Variants in HSD17B11 observed in about 807,000 individuals in gnomAD.
HSD17B11 encodes hydroxysteroid 17-beta dehydrogenase 11, also known as estradiol 17-beta-dehydrogenase 11.
A neutral mutation model predicts 27.8 loss-of-function variants in HSD17B11; 22 were observed. That is an observed-to-expected ratio of 0.79 (90% CI 0.56 to 1.13). HSD17B11 has a LOEUF of 1.13. HSD17B11 is among the 50% of genes most tolerant of loss of function. The pLI is 0.00. For missense variants in HSD17B11, 314 were observed against 351.1 expected (o/e 0.89, Z 0.84); for synonymous variants, 117 against 132.8 (o/e 0.88, Z 0.82).
intron 4 of HSD17B11, among the ~76,000 whole-genome samples, chr4:87,370,755 ATTTTTT>A: frequency 1.7e-5 from 1 of 57,532 alleles, no homozygotes; most frequent in Non-Finnish European, 3.3e-5. Context: ...TATTATTATT[ATTTTTT>A]TTTTTTTTTG....
At chr4:87,383,036 G>A (rs1489382202) in intron 1 of HSD17B11, among the ~76,000 whole-genome samples, 2 of 152,128 alleles carry the variant, frequency 1.3e-5, no homozygotes, top group Non-Finnish European at 1.5e-5. Context: ...AGGGAGTTAC[G>A]GGAACACAGA....
intron 6 of HSD17B11, among the ~76,000 whole-genome samples, chr4:87,339,344 C>T (rs1222596365): frequency 1.3e-5 from 2 of 152,208 alleles, no homozygotes; most frequent in Non-Finnish European, 2.9e-5. Flanking sequence ...ATATGTCATG[C>T]TTTTCATTTC....
intron 1 of HSD17B11, among the ~76,000 whole-genome samples, chr4:87,387,941 T>C (rs921080388): frequency 1.3e-5 from 2 of 152,132 alleles, no homozygotes; most frequent in African/African-American, 4.8e-5. Context: ...TACTTGTTCC[T>C]TCCATCTTTT....
intron 4 of HSD17B11, among the ~76,000 whole-genome samples, chr4:87,364,270 GAAAAAAA>G (rs34342374): frequency 8.2e-6 from 1 of 121,422 alleles, no homozygotes; most frequent in East Asian, 2.7e-4. Flanking sequence ...CCAGTTTTGG[GAAAAAAA>G]AAAAAAAAAG....
At chr4:87,380,584 C>A (rs1560770523) in intron 2 of HSD17B11, among the ~76,000 whole-genome samples, 2 of 151,494 alleles carry the variant, frequency 1.3e-5, no homozygotes, top group Admixed American at 1.3e-4. Context: ...ATGGGCTAGG[C>A]GCGGTGGCTC....
In HSD17B11 at chr4:87,361,768, AAAAT is replaced by A. The variant is rs563088186; in HGVS notation, c.558-4356_558-4353del. Among the ~76,000 whole-genome samples, 501 of 152,294 alleles carry A rather than the reference AAAAT, an allele frequency of 3.3e-3. 2 individuals carry two copies. Among genetic ancestry groups the A allele is most frequent in the African/African-American group, 0.012 (482 of 41,552 alleles). On this transcript the variant is annotated intron_variant, in intron 4 of 6. Transcript: ENST00000358290. ...GGCAACAGAGCGAGACTCTGTCTCA[AAAAT>A]AAATAAACTTTCTTTCACTTTGCAC... is the stretch of plus-strand genomic sequence containing the variant.
chr4:87,368,566 A>C (rs563213272), intron 4 of HSD17B11, among the ~76,000 whole-genome samples: 3 of 152,304 alleles, frequency 2.0e-5, no homozygotes, highest in African/African-American at 7.2e-5. Flanking sequence ...GAAACAGAAC[A>C]ACTCCATCTT....
At chr4:87,378,918 A>AT (rs1720038873) in intron 2 of HSD17B11, among the ~76,000 whole-genome samples, 2 of 13,996 alleles carry the variant, frequency 1.4e-4, no homozygotes, top group African/African-American at 5.2e-4. Flanking sequence ...ATATATATAT[A>AT]AATATATATA....
rs568024864 is a variant in HSD17B11, at chr4:87,341,858, C to T, written c.696-1252G>A. On this transcript the variant is annotated intron_variant, in intron 5 of 6. Transcript: ENST00000358290. The stretch of plus-strand genomic sequence containing the variant: ...TCCAGCCTGGACAACAGAGCTAGAC[C>T]CTGTCTCTAAATAAATAAATAGATA... 7.1e-4 allele frequency among the ~76,000 whole-genome samples: 107 copies of T among 150,210 alleles called. 3 individuals carry two copies. The highest frequency in any genetic ancestry group is 2.5e-3 in the African/African-American group (102 of 41,054).
intron 2 of HSD17B11, among the ~76,000 whole-genome samples, chr4:87,378,666 C>G (rs1490665280): frequency 6.7e-6 from 1 of 149,140 alleles, no homozygotes; most frequent in Non-Finnish European, 1.5e-5. Context: ...TACTTCTTCC[C>G]TACACCACCT....
chr4:87,341,603 G>A (rs777554765), intron 5 of HSD17B11, among the ~76,000 whole-genome samples: 16 of 152,160 alleles, frequency 1.1e-4, no homozygotes, highest in Non-Finnish European at 1.6e-4. Context: ...CTGTATCCCC[G>A]TAATCCCAGC....
chr4:87,358,977 C>T (rs368447605), intron 4 of HSD17B11, among the ~76,000 whole-genome samples: 3 of 152,088 alleles, frequency 2.0e-5, no homozygotes, highest in Non-Finnish European at 2.9e-5. Flanking sequence ...ATGCTGTTCT[C>T]GTGATAGTGG....
chr4:87,385,907 TC>T (rs972355361), intron 1 of HSD17B11: 6 of 142,930 alleles, frequency 4.2e-5, no homozygotes, highest in African/African-American at 1.7e-4. Flanking sequence ...AGTGCGAGAC[TC>T]TATCTCAAAA....
At chr4:87,378,680 C>T (rs565954878) in intron 2 of HSD17B11, among the ~76,000 whole-genome samples, 1 of 148,114 alleles carries the variant, frequency 6.8e-6, no homozygotes, top group African/African-American at 2.5e-5. Flanking sequence ...ACCACCTCTA[C>T]CCTTCCCAGC....
intron 2 of HSD17B11, among the ~76,000 whole-genome samples, chr4:87,380,297 A>T (rs535558187): frequency 8.0e-5 from 12 of 150,200 alleles, no homozygotes; most frequent in African/African-American, 2.4e-4. Flanking sequence ...ACATGGTGAA[A>T]GCCCGTCTCT....
rs560988112 is a variant in HSD17B11 at position 87,346,103 on chromosome 4, A to G, written c.696-5497T>C. On this transcript the variant is annotated intron_variant, in intron 5 of 6. Coordinates refer to ENST00000358290, the MANE Select transcript of HSD17B11 (RefSeq NM_016245.5). ...ATAACTACATGCCATTATCCCAGGA[A>G]TACAAAGTGGCTCACCATACACAAA... is the stretch of plus-strand genomic sequence containing the variant. Among the ~76,000 whole-genome samples, 68 of 152,332 alleles carry G rather than the reference A, an allele frequency of 4.5e-4. 2 individuals are homozygous for G. The South Asian group carries it at 0.013, about 30-fold the overall frequency.
At position 87,337,086 on chromosome 4, in the gene HSD17B11, G is replaced by A. The variant is rs1180370884; in HGVS notation, c.*190C>T. ...AAGTCACCTCTAAAGGTATTTCTCT[G>A]TTTATATCATATGTAATCAGCTTTT... On this transcript the variant is annotated 3_prime_UTR_variant, in exon 7 of 7. Coordinates refer to ENST00000358290, the MANE Select transcript of HSD17B11 (RefSeq NM_016245.5). 1 of 593,032 alleles carries A rather than the reference G, an allele frequency of 1.7e-6. No individual in the cohort carries two copies. 36.7% of individuals were successfully genotyped at this position (593,032 alleles called of 1,614,324 possible). A position where few individuals can be genotyped will look rare whatever the true frequency, so the allele number is the denominator to read the frequency against.
intron 2 of HSD17B11, among the ~76,000 whole-genome samples, chr4:87,375,522 A>T (rs886886321): frequency 6.6e-6 from 1 of 152,174 alleles, no homozygotes. Flanking sequence ...CAGGTGGATC[A>T]CCTGTGGTCC....
At position 87,346,901 on chromosome 4, in the gene HSD17B11, T is replaced by A. The variant is rs192628300; in HGVS notation, c.696-6295A>T. On this transcript the variant is annotated intron_variant, in intron 5 of 6. Coordinates refer to ENST00000358290, the MANE Select transcript of HSD17B11 (RefSeq NM_016245.5). ...TATATATATGTATATTTTTAAAAAATTTTAAAAACTATTTGTTGAAATTCA... is the reference window on the plus strand; with the variant it reads ...TATATATATGTATATTTTTAAAAAAATTTAAAAACTATTTGTTGAAATTCA... Among the ~76,000 whole-genome samples, 489 of 150,928 alleles carry A rather than the reference T, an allele frequency of 3.2e-3. 2 individuals carry two copies. The highest frequency in any genetic ancestry group is 0.011 in the African/African-American group (451 of 41,062).
Sources: allele counts gnomAD v4.1 joint callset (sites outside exome capture counted in the v4.1 genomes callset), GRCh38; gene constraint gnomAD v4.1.1; transcripts MANE v1.5; gene names NCBI Gene and HGNC (gene_info 2026-07-23, HGNC 2026-07-21).